SP140: variants seen among roughly 807,000 people sequenced by gnomAD.
The protein encoded by SP140 is SP140 nuclear body protein, also known as nuclear body protein SP140.
A neutral mutation model predicts 125.0 loss-of-function variants in SP140; 81 were observed. The ratio of observed to expected loss-of-function variants is 0.65; its 90% CI spans 0.54 to 0.78. The LOEUF is 0.78. SP140 is among the 30% of genes least tolerant of loss of function. The probability of loss-of-function intolerance (pLI) is 0.00; values close to 1 mark genes in which losing one functional copy is unlikely to be tolerated. For synonymous variants in SP140, 312 were observed against 354.0 expected (o/e 0.88, Z 1.33); for missense variants, 858 against 1,037.0 (o/e 0.83, Z 2.37).
At chr2:230,266,183 G>A (rs1052416456) in intron 12 of SP140, among the ~76,000 whole-genome samples, 10 of 152,096 alleles carry the variant, frequency 6.6e-5, no homozygotes, top group Admixed American at 1.3e-4. Flanking sequence ...TGAAGACATT[G>A]TAACATTTCT....
intron 15 of SP140, among the ~76,000 whole-genome samples, chr2:230,279,680 G>A (rs1268737571): frequency 1.3e-5 from 2 of 152,170 alleles, no homozygotes; most frequent in African/African-American, 4.8e-5. Context: ...AATGTGTGCA[G>A]TTATATAAAT....
intron 1 of SP140, chr2:230,210,013 C>T (rs533665607): frequency 6.4e-7 from 1 of 1,573,032 alleles, no homozygotes; most frequent in Non-Finnish European, 8.8e-7. Flanking sequence ...TTATCTCTGA[C>T]AAAAGAAATA....
downstream of SP140, among the ~76,000 whole-genome samples, chr2:230,314,150 A>C (rs1007380215): frequency 6.6e-6 from 1 of 152,214 alleles, no homozygotes; most frequent in African/African-American, 2.4e-5. Context: ...GCATGGGGCT[A>C]TCTAGATAGA....
At chr2:230,314,946 CTG>C (rs1232555476), downstream of SP140, among the ~76,000 whole-genome samples, 1 of 152,238 alleles carries the variant, frequency 6.6e-6, no homozygotes, top group East Asian at 1.9e-4. Flanking sequence ...CAGCATTTAA[CTG>C]TGAGGGCAAG....
At chr2:230,261,182 T>TTTG (rs373909339) in intron 12 of SP140, among the ~76,000 whole-genome samples, 17 of 152,114 alleles carry the variant, frequency 1.1e-4, no homozygotes, top group Admixed American at 2.0e-4. Flanking sequence ...TTCCTAAGTT[T>TTTG]TTGTTGTTGT....
At chr2:230,199,147 TA>T (rs1379373433), upstream of SP140, among the ~76,000 whole-genome samples, 112 of 134,102 alleles carry the variant, frequency 8.4e-4, no homozygotes, top group African/African-American at 3.5e-3. Context: ...TTATTATTAT[TA>T]TTTTTTTTTT....
chr2:230,219,489 C>T (rs1009777942), intron 3 of SP140: 2 of 152,172 alleles, frequency 1.3e-5, no homozygotes, highest in South Asian at 2.1e-4. Context: ...ATAAAAAGTT[C>T]ATGATACACT....
At chr2:230,287,471 GT>G (rs1437158713) in intron 17 of SP140, among the ~76,000 whole-genome samples, 1 of 152,026 alleles carries the variant, frequency 6.6e-6, no homozygotes, top group Non-Finnish European at 1.5e-5. Context: ...GAATATTTTA[GT>G]TTCTGTAATG....
At chr2:230,224,754 C>T (rs997716424), upstream of SP140, among the ~76,000 whole-genome samples, 2 of 152,168 alleles carry the variant, frequency 1.3e-5, no homozygotes, top group African/African-American at 4.8e-5. Flanking sequence ...TGGAAAAATA[C>T]TGCTTTGCCT....
chr2:230,281,662 A>G (rs937452903), intron 15 of SP140, among the ~76,000 whole-genome samples: 1 of 152,170 alleles, frequency 6.6e-6, no homozygotes, highest in African/African-American at 2.4e-5. Flanking sequence ...GTTTTATAGC[A>G]TATTCTCTTT....
intron 12 of SP140, among the ~76,000 whole-genome samples, chr2:230,257,185 G>A (rs1416389342): frequency 1.3e-5 from 2 of 151,988 alleles, no homozygotes; most frequent in African/African-American, 4.8e-5. Context: ...GGGTTCAATG[G>A]AAAGAGACTT....
chr2:230,286,138 G>A (rs576313241), intron 17 of SP140, among the ~76,000 whole-genome samples: 36 of 152,236 alleles, frequency 2.4e-4, no homozygotes, highest in African/African-American at 8.2e-4. Context: ...ATTGTAAGCC[G>A]AATACAGGTT....
At position 230,310,748 on chromosome 2, in the gene SP140, C is replaced by T. The variant is rs1304943593; in HGVS notation, c.2180C>T (p.Pro727Leu). 2 of 1,517,232 alleles carry T rather than the reference C, an allele frequency of 1.3e-6. No individual in the cohort carries two copies. The highest frequency in any genetic ancestry group is 1.8e-6 in the Non-Finnish European group (2 of 1,117,918). The allele number at this position is 1,517,232 out of a possible 1,614,324, so 94.0% of individuals were successfully genotyped here. The change falls in exon 24 of 27, where the codon CCG (proline) becomes CTG (leucine). Residue 727 changes from proline (P) to leucine (L), a missense_variant. Transcript: ENST00000392045. ...HIPPVEAERT[P>L]WNCIFCRMKE... Reference sequence around the variant, plus strand: ...ACCCATGTCCAATCTCTCAGGACCCCGTGGAATTGCATCTTCTGCAGGATG... The same window carrying T: ...ACCCATGTCCAATCTCTCAGGACCCTGTGGAATTGCATCTTCTGCAGGATG...
At chr2:230,186,838 CT>C in the SP140 span, among the ~76,000 whole-genome samples, 3 of 152,210 alleles carry the variant, frequency 2.0e-5, no homozygotes, top group South Asian at 6.2e-4. Context: ...TTATTTCATT[CT>C]TTTTTTATGG....
At position 230,284,410 on chromosome 2, in the gene SP140, T is replaced by C; in HGVS notation, c.1563T>C (p.Asn521=). 2.5e-6 allele frequency: 4 copies of C among 1,608,282 alleles called. No homozygotes were observed. The highest frequency in any genetic ancestry group is 3.4e-6 in the Non-Finnish European group (4 of 1,177,144). ...RMRRQENSQQ[N]DNSKADGQVV... ...GAAGGCAGGAAAACAGCCAACAAAA[T>C]GGTAAGCAGGCAAAGTGAAGTAGTT... The change falls in exon 16 of 27, where the codon AAT becomes AAC. Residue 521 remains asparagine (N), a splice_region_variant and synonymous_variant. Coordinates refer to ENST00000392045, the MANE Select transcript of SP140 (RefSeq NM_007237.5).
chr2:230,313,891 A>T (rs2149653634), downstream of SP140, among the ~76,000 whole-genome samples: 1 of 152,338 alleles, frequency 6.6e-6, no homozygotes, highest in East Asian at 1.9e-4. Flanking sequence ...AGGAAAAGTA[A>T]CTATAAGAAG....
upstream of SP140, among the ~76,000 whole-genome samples, chr2:230,225,127 T>C (rs570785179): frequency 1.3e-5 from 2 of 152,326 alleles, no homozygotes; most frequent in African/African-American, 4.8e-5. Context: ...CTCCTCAAGA[T>C]TTCAGTGAAA....
chr2:230,260,712 C>T (rs942034039), intron 12 of SP140, among the ~76,000 whole-genome samples: 2 of 152,124 alleles, frequency 1.3e-5, no homozygotes, highest in Non-Finnish European at 2.9e-5. Flanking sequence ...CCTTTCCCCA[C>T]TTTATGGTTT....
At position 230,260,921 on chromosome 2, in the gene SP140, G is replaced by C. The variant is rs369672063; in HGVS notation, c.1240+5389G>C. Among the ~76,000 whole-genome samples the C allele has an allele frequency of 5.3e-5, 8 of 151,912 alleles. No homozygotes were observed. The South Asian group carries it at 1.0e-3, about 20-fold the overall frequency. The stretch of plus-strand genomic sequence containing the variant: ...TTGCTTAGTCTTGCTTTGGCTTTGT[G>C]GGCTCCTTTTTGGTTCCATATGAAT... On this transcript the variant is annotated intron_variant, in intron 12 of 26. Transcript: ENST00000392045.
Sources: allele counts gnomAD v4.1 joint callset (sites outside exome capture counted in the v4.1 genomes callset), GRCh38; gene constraint gnomAD v4.1.1; transcripts MANE v1.5; gene names NCBI Gene and HGNC (gene_info 2026-07-23, HGNC 2026-07-21).